CAMK1: variants seen among roughly 807,000 people sequenced by gnomAD.
The protein encoded by CAMK1 is calcium/calmodulin dependent protein kinase I.
A neutral mutation model predicts 49.1 loss-of-function variants in CAMK1; 39 were observed. That is an observed-to-expected ratio of 0.79 (90% CI 0.62 to 1.04). The LOEUF is 1.04. CAMK1 is among the 50% of genes least tolerant of loss of function. The pLI is 0.00. For synonymous variants in CAMK1, 192 were observed against 185.2 expected (o/e 1.04, Z -0.30); for missense variants, 457 against 472.2 (o/e 0.97, Z 0.30).
chr3:9,761,086 C>T (rs2077844103), intron 7 of CAMK1: 1 of 360,604 alleles, frequency 2.8e-6, no homozygotes, highest in Non-Finnish European at 5.1e-6. Flanking sequence ...CCTGACCTCC[C>T]TACTGAAATG....
rs756379356 is a variant in CAMK1 at position 9,759,763 on chromosome 3, G to A, written c.746-13C>T. ...ATGAAATCTTTGGCTAAACCCCCAA[G>A]ACAAAAGCAAAGATAATGACAGCAT... is the stretch of plus-strand genomic sequence containing the variant. On this transcript the variant is annotated splice_polypyrimidine_tract_variant and intron_variant, in intron 8 of 11. Transcript: ENST00000256460. 2.0e-5 allele frequency: 33 copies of A among 1,614,090 alleles called. No individual in the cohort carries two copies. The South Asian group carries it at 3.5e-4, about 17-fold the overall frequency.
intron 10 of CAMK1, chr3:9,759,030 C>T: frequency 1.4e-6 from 1 of 710,416 alleles, no homozygotes; most frequent in South Asian, 1.5e-5. Context: ...CATATGAGGC[C>T]CTAAGAGGCC....
At chr3:9,767,565 C>A in intron 2 of CAMK1, 102 bp downstream of exon 2, 1 of 1,482,330 alleles carries the variant, frequency 6.7e-7, no homozygotes, top group Admixed American at 1.7e-5. Context: ...TGCCACAGGG[C>A]CTGGGCTGTG....
chr3:9,766,071 AAGT>A, intron 2 of CAMK1, 181 bp from the exon 3 acceptor site: 2 of 1,566,726 alleles, frequency 1.3e-6, no homozygotes, highest in South Asian at 1.2e-5. Flanking sequence ...TGGCCAGTCA[AAGT>A]AGTCTCTCCC....
chr3:9,767,622 C>T, intron 2 of CAMK1, 45 bp downstream of exon 2: 1 of 1,611,988 alleles, frequency 6.2e-7, no homozygotes, highest in Non-Finnish European at 8.5e-7. Flanking sequence ...ACCCTGGACT[C>T]AGCCTCCCTC....
At chr3:9,762,098 C>A in intron 5 of CAMK1, 1 of 200,512 alleles carries the variant, frequency 5.0e-6, no homozygotes, top group Non-Finnish European at 1.0e-5. Context: ...TATAATCTCA[C>A]CTAACAGATG....
rs1559695096 is a variant in CAMK1 at position 9,759,710 on chromosome 3, C to T, written c.786G>A (p.Glu262=). 2 of 1,614,194 alleles carry T rather than the reference C, an allele frequency of 1.2e-6. No individual in the cohort carries two copies. Among genetic ancestry groups the T allele is most frequent in the Admixed American group, 1.7e-5 (1 of 60,022 alleles). The change falls in exon 9 of 12, where the codon GAG becomes GAA. Residue 262 remains glutamate (E), a synonymous_variant. Transcript: ENST00000256460. ...FIRHLMEKDP[E]KRFTCEQALQ... ...AGGCCTGCTCACAGGTGAATCTTTT[C>T]TCTGGGTCCTTCTCCATCAAGTGCC...
At position 9,759,561 on chromosome 3, in the gene CAMK1, G is replaced by T; in HGVS notation, c.839C>A (p.Thr280Lys). ...CTGGTGGATATTCTTATCTAGAGCT[G>T]TATCTCCTGCAATCCTAGGATGGGG... Reference protein sequence around the residue: ...ALQHPWIAGDTALDKNIHQSV... With the variant: ...ALQHPWIAGDKALDKNIHQSV... Residue 280 changes from threonine to lysine, a missense_variant, in exon 10 of 12, where the codon ACA (threonine) becomes AAA (lysine). Physicochemically the swap from Thr to Lys is moderately conservative, Grantham distance 78. Transcript: ENST00000256460. The T allele has an allele frequency of 1.2e-6, 2 of 1,614,168 alleles. No individual in the cohort carries two copies. The highest frequency in any genetic ancestry group is 1.7e-6 in the Non-Finnish European group (2 of 1,180,024).
At chr3:9,758,992 T>G (rs1204407567) in intron 10 of CAMK1, 1 of 603,712 alleles carries the variant, frequency 1.7e-6, no homozygotes, top group Non-Finnish European at 3.0e-6. Context: ...CTCAGTGCCC[T>G]CAGGATCAAG....
chr3:9,760,870 G>A, intron 7 of CAMK1, 102 bp from the exon 8 acceptor site: 1 of 1,535,288 alleles, frequency 6.5e-7, no homozygotes, highest in Non-Finnish European at 8.8e-7. Context: ...GCCATGGAAG[G>A]AGTTCCCCCT....
At position 9,767,706 on chromosome 3, in the gene CAMK1, T is replaced by G. The variant is rs772591110; in HGVS notation, c.44A>C (p.Asp15Ala). 3 of 1,613,942 alleles carry G rather than the reference T, an allele frequency of 1.9e-6. No homozygotes were observed. The South Asian group carries it at 3.3e-5, about 18-fold the overall frequency. Residue 15 changes from aspartate to alanine, a missense_variant, in exon 2 of 12, where the codon GAC becomes GCC. Physicochemically the swap from Asp to Ala is moderately radical, Grantham distance 126. Coordinates refer to ENST00000256460, the MANE Select transcript of CAMK1 (RefSeq NM_003656.5). ...VEGPRWKQAEDIRDIYDFRDV... is the reference protein window; with the variant it reads ...VEGPRWKQAEAIRDIYDFRDV... ...TCGGAAGTCGTAGATGTCTCTAATG[T>G]CCTCCGCCTGCTTCCACCTGGGGCC...
intron 8 of CAMK1, 81 bp downstream of exon 8, chr3:9,760,575 G>A (rs1299959003): frequency 3.5e-6 from 5 of 1,416,454 alleles, no homozygotes; most frequent in South Asian, 2.3e-5. Flanking sequence ...CAGAAGGAAG[G>A]CAGGAGGGAG....
chr3:9,765,710 G>A (rs772095447), intron 3 of CAMK1, 49 bp downstream of exon 3: 1 of 1,599,138 alleles, frequency 6.3e-7, no homozygotes, highest in South Asian at 1.1e-5. Flanking sequence ...AGGATGGGAG[G>A]GCCAAGGCAG....
At position 9,763,018 on chromosome 3, in the gene CAMK1, C is replaced by T. The variant is rs2077961112; in HGVS notation, c.325G>A (p.Glu109Lys). ...SGGELFDRIVEKGFYTERDAS... is the reference protein window; with the variant it reads ...SGGELFDRIVKKGFYTERDAS... ...TCCCGCTCCGTGTAGAAGCCTTTTT[C>T]CACAATACGGTCAAAGAGCTCCCCA... is the stretch of plus-strand genomic sequence containing the variant. The change falls in exon 5 of 12, where the codon GAA (glutamate) becomes AAA (lysine). Residue 109 changes from glutamate (E) to lysine (K), a missense_variant. By Grantham distance (56) the Glu-to-Lys change is moderately conservative. Transcript: ENST00000256460. The T allele has an allele frequency of 6.2e-7, 1 of 1,614,100 alleles. No homozygotes were observed. Among genetic ancestry groups the T allele is most frequent in the South Asian group, 1.1e-5 (1 of 91,076 alleles).
intron 2 of CAMK1, 105 bp from the exon 3 acceptor site, chr3:9,765,995 G>T: frequency 6.2e-7 from 1 of 1,614,180 alleles, no homozygotes; most frequent in Non-Finnish European, 8.5e-7. Context: ...GACCAAGGAC[G>T]TGGATGACCC....
At chr3:9,767,326 G>A (rs908890441) in intron 2 of CAMK1, among the ~76,000 whole-genome samples, 4 of 152,202 alleles carry the variant, frequency 2.6e-5, no homozygotes, top group African/African-American at 9.6e-5. Context: ...CCAGGTTTGA[G>A]TTATTTCTGC....
Position 9,759,713 on chromosome 3 carries a change from TG to T in CAMK1, c.782del (p.Pro261GlnfsTer22), listed in dbSNP as rs775400164. 9 of 1,614,076 alleles carry T rather than the reference TG, an allele frequency of 5.6e-6. No individual in the cohort carries two copies. Among genetic ancestry groups the T allele is most frequent in the Non-Finnish European group, 7.6e-6 (9 of 1,180,046 alleles). On this transcript the variant is annotated frameshift_variant, in exon 9 of 12. Coordinates refer to ENST00000256460, the MANE Select transcript of CAMK1 (RefSeq NM_003656.5). LOFTEE classifies it high-confidence loss of function. ...DFIRHLMEKD[P>X]EKRFTCEQAL... ...CCTGCTCACAGGTGAATCTTTTCTC[TG>T]GGTCCTTCTCCATCAAGTGCCGGAT...
At chr3:9,761,948 G>A (rs2077897702) in intron 5 of CAMK1, 191 bp from the exon 6 acceptor site, 3 of 720,570 alleles carry the variant, frequency 4.2e-6, no homozygotes, top group Admixed American at 6.0e-5. Flanking sequence ...GCTCAAGAGG[G>A]TGTGGGGGGG....
chr3:9,759,790 G>A (rs889023737), intron 8 of CAMK1, 40 bp from the exon 9 acceptor site: 2 of 1,614,006 alleles, frequency 1.2e-6, no homozygotes, highest in Non-Finnish European at 1.7e-6. Flanking sequence ...TGACAGCATG[G>A]TACTGCCTGT....
Sources: gnomAD v4.1 joint callset for allele counts (sites outside exome capture counted in the v4.1 genomes callset) on GRCh38, gnomAD v4.1.1 for gene constraint, MANE v1.5 for transcripts, NCBI Gene and HGNC (gene_info 2026-07-23, HGNC 2026-07-21) for gene names.